The following STXBP5L variants were observed in gnomAD, a reference collection of about 807,000 sequenced individuals.
STXBP5L encodes syntaxin binding protein 5L.
Under a neutral mutation model 144.5 loss-of-function variants are expected in STXBP5L, and 65 were observed. That is an observed-to-expected ratio of 0.45 (90% confidence interval 0.37 to 0.55). The LOEUF is 0.55. Among genes scored for constraint, STXBP5L ranks in the 20% least tolerant of loss-of-function variants. The probability of loss-of-function intolerance (pLI) is 0.00; values close to 1 mark genes in which losing one functional copy is unlikely to be tolerated. For synonymous variants in STXBP5L, 505 were observed against 469.6 expected (o/e 1.08, Z -0.97); for missense variants, 1,298 against 1,405.5 (o/e 0.92, Z 1.22).
At chr3:121,216,906 C>T (rs528063442) in intron 10 of STXBP5L, among the ~76,000 whole-genome samples, 28 of 151,650 alleles carry the variant, frequency 1.8e-4, no homozygotes, top group African/African-American at 6.7e-4. Flanking sequence ...TAGGGAAGCC[C>T]TCTGGCTACA....
chr3:121,030,328 AC>A (rs1299850078), intron 3 of STXBP5L, among the ~76,000 whole-genome samples: 1 of 152,172 alleles, frequency 6.6e-6, no homozygotes, highest in Non-Finnish European at 1.5e-5. Context: ...GTGCATATAT[AC>A]CATGGAATAT....
chr3:121,137,511 T>C (rs1406018315), intron 7 of STXBP5L, among the ~76,000 whole-genome samples: 1 of 152,132 alleles, frequency 6.6e-6, no homozygotes, highest in South Asian at 2.1e-4. Context: ...ATATTCCTGA[T>C]GAACATAGAT....
intron 9 of STXBP5L, among the ~76,000 whole-genome samples, chr3:121,189,536 G>A (rs1050990572): frequency 5.9e-5 from 9 of 152,142 alleles, no homozygotes; most frequent in Non-Finnish European, 1.0e-4. Context: ...GGTTGTAGAT[G>A]TGTGGTATTA....
intron 5 of STXBP5L, among the ~76,000 whole-genome samples, chr3:121,104,859 C>T (rs1056966747): frequency 7.9e-5 from 12 of 151,790 alleles, no homozygotes; most frequent in East Asian, 1.9e-4. Flanking sequence ...GACCAAGATG[C>T]GACAAAAAGA....
intron 5 of STXBP5L, among the ~76,000 whole-genome samples, chr3:121,092,316 T>C (rs993956894): frequency 3.3e-5 from 5 of 152,082 alleles, no homozygotes; most frequent in African/African-American, 1.2e-4. Flanking sequence ...TGAAAGTCAT[T>C]GGTAGCTTGA....
At chr3:121,120,553 G>T (rs1443306754) in intron 6 of STXBP5L, among the ~76,000 whole-genome samples, 2 of 151,072 alleles carry the variant, frequency 1.3e-5, no homozygotes, top group South Asian at 2.1e-4. Flanking sequence ...ATTCAGTAAG[G>T]TCAGTCCTAA....
intron 10 of STXBP5L, among the ~76,000 whole-genome samples, chr3:121,214,701 C>T (rs2048709163): frequency 6.6e-6 from 1 of 152,160 alleles, no homozygotes; most frequent in Admixed American, 6.5e-5. Context: ...GTGCAGAGTT[C>T]TGTAGATGTC....
chr3:121,347,834 T>C (rs1407355854), intron 20 of STXBP5L, among the ~76,000 whole-genome samples: 4 of 152,234 alleles, frequency 2.6e-5, no homozygotes, highest in Admixed American at 6.5e-5. Flanking sequence ...CTGAAGTTGC[T>C]TATCAGCTTA....
chr3:121,277,955 C>T (rs1319872360), intron 18 of STXBP5L, among the ~76,000 whole-genome samples: 1 of 151,978 alleles, frequency 6.6e-6, no homozygotes, highest in Non-Finnish European at 1.5e-5. Context: ...TCTTGAGTAG[C>T]TTCTGCACAT....
chr3:121,145,978 G>C (rs1161137955), intron 7 of STXBP5L, among the ~76,000 whole-genome samples: 1 of 152,022 alleles, frequency 6.6e-6, no homozygotes, highest in African/African-American at 2.4e-5. Context: ...CTCTCTACTG[G>C]AACTGGGACA....
Position 121,378,858 on chromosome 3 carries a change from G to T in STXBP5L, c.2319G>T (p.Met773Ile), listed in dbSNP as rs749601489. ...PFRKAQSAAC[M>I]EISLPVTTEE... ...GAAAGGCCCAGTCAGCAGCCTGCAT[G>T]GAGATTTCTTTACCAGTTACAACAG... Residue 773 changes from methionine to isoleucine, a missense_variant, in exon 21 of 27, where the codon ATG becomes ATT. By Grantham distance (10) the Met-to-Ile change is conservative (BLOSUM62 1). Coordinates refer to ENST00000471454, the MANE Select transcript of STXBP5L (RefSeq NM_001308330.2). 1 of 1,613,486 alleles carries T rather than the reference G, an allele frequency of 6.2e-7. No homozygotes were observed. The highest frequency in any genetic ancestry group is 8.5e-7 in the Non-Finnish European group (1 of 1,179,714).
At chr3:120,982,668 A>G (rs1404842345) in intron 3 of STXBP5L, among the ~76,000 whole-genome samples, 1 of 152,130 alleles carries the variant, frequency 6.6e-6, no homozygotes, top group Non-Finnish European at 1.5e-5. Flanking sequence ...CAATGCAGGA[A>G]CACTGCTGCT....
At chr3:120,977,067 G>A in intron 3 of STXBP5L, among the ~76,000 whole-genome samples, 1 of 152,152 alleles carries the variant, frequency 6.6e-6, no homozygotes, top group African/African-American at 2.4e-5. Flanking sequence ...AGGTCCACTT[G>A]GTGCAGAGCT....
chr3:121,005,677 T>C (rs999786696), intron 3 of STXBP5L, among the ~76,000 whole-genome samples: 1 of 152,334 alleles, frequency 6.6e-6, no homozygotes, highest in South Asian at 2.1e-4. Flanking sequence ...CTGCTTTCTC[T>C]TGTGGGCGTT....
intron 20 of STXBP5L, among the ~76,000 whole-genome samples, chr3:121,371,284 G>C (rs1387836162): frequency 5.3e-5 from 8 of 152,162 alleles, no homozygotes; most frequent in Non-Finnish European, 1.0e-4. Context: ...GGGGACCAAG[G>C]CTCAGCTTAG....
At chr3:121,073,557 A>T (rs2041896285) in intron 5 of STXBP5L, among the ~76,000 whole-genome samples, 1 of 152,162 alleles carries the variant, frequency 6.6e-6, no homozygotes, top group Non-Finnish European at 1.5e-5. Context: ...GTTTGTACCA[A>T]GATTCCTGTA....
chr3:121,066,879 T>C (rs6773281), intron 5 of STXBP5L, among the ~76,000 whole-genome samples: 77,618 of 151,910 alleles, frequency 0.51, 20,288 homozygotes, highest in Admixed American at 0.6. Context: ...TGACATATTA[T>C]ATTTCCTTAA....
intron 9 of STXBP5L, among the ~76,000 whole-genome samples, chr3:121,203,480 A>C (rs1302465341): frequency 6.6e-6 from 1 of 152,154 alleles, no homozygotes; most frequent in Non-Finnish European, 1.5e-5. Context: ...CAGTTGTTTA[A>C]TACCCTAACA....
intron 8 of STXBP5L, among the ~76,000 whole-genome samples, chr3:121,157,023 A>T (rs1330868712): frequency 6.6e-6 from 1 of 152,074 alleles, no homozygotes; most frequent in African/African-American, 2.4e-5. Context: ...ACCTGAAAAT[A>T]TAAAAGAAAA....
Sources: allele counts gnomAD v4.1 joint callset (sites outside exome capture counted in the v4.1 genomes callset), GRCh38; gene constraint gnomAD v4.1.1; transcripts MANE v1.5; gene names NCBI Gene and HGNC (gene_info 2026-07-23, HGNC 2026-07-21).